The following RBM25 variants were observed in gnomAD, a reference collection of about 807,000 sequenced individuals.
The protein encoded by RBM25 is RNA-binding protein 25.
In RBM25, 19 loss-of-function variants were observed where a neutral mutation model predicts 120.7. That is an observed-to-expected ratio of 0.16 (90% CI 0.11 to 0.23). RBM25 has a LOEUF of 0.23. RBM25 is among the 10% of genes least tolerant of loss of function. The pLI is 1.00. For synonymous variants in RBM25, 390 were observed against 326.7 expected (o/e 1.19, Z -2.09); for missense variants, 605 against 1,041.5 (o/e 0.58, Z 5.77).
intron 1 of RBM25, chr14:73,068,096 C>T (rs1895185105): frequency 1.5e-6 from 1 of 657,012 alleles, no homozygotes; most frequent in Non-Finnish European, 2.7e-6. Context: ...CTACGACCAC[C>T]CCAACTTTAC....
At chr14:73,111,292 C>T (rs1451937513) in intron 15 of RBM25, 137 bp downstream of exon 15, 2 of 882,922 alleles carry the variant, frequency 2.3e-6, no homozygotes, top group African/African-American at 3.4e-5. Context: ...CTTTCTAGCT[C>T]ACGATTGTTT....
rs771277464 is a variant in RBM25, at chr14:73,119,852, C to T, written c.*47C>T. 3.9e-6 allele frequency: 6 copies of T among 1,556,116 alleles called. No individual in the cohort carries two copies. The East Asian group carries it at 6.9e-5, about 18-fold the overall frequency. On this transcript the variant is annotated 3_prime_UTR_variant, in exon 19 of 19. Coordinates refer to ENST00000261973, the MANE Select transcript of RBM25 (RefSeq NM_021239.3). ...CATTTCAGATTTCTTCTTTGCCACC[C>T]TTTTAAGGACTTTGAATTTTTCTTT...
chr14:73,097,450 C>T (rs576301774), intron 7 of RBM25, among the ~76,000 whole-genome samples: 83 of 152,228 alleles, frequency 5.5e-4, no homozygotes, highest in South Asian at 1.9e-3. Flanking sequence ...CGACCCGCCT[C>T]GGCCTCCCAC....
At chr14:73,102,727 A>T (rs568920101) in intron 9 of RBM25, 1 of 154,570 alleles carries the variant, frequency 6.5e-6, no homozygotes. Context: ...TAGTTGCATT[A>T]TAGGTATTCT....
chr14:73,103,938 TCTCTCTCTCTCACACACACACACACA>T (rs1566597400), intron 10 of RBM25, among the ~76,000 whole-genome samples: 3 of 53,836 alleles, frequency 5.6e-5, no homozygotes, highest in Non-Finnish European at 7.1e-5. Flanking sequence ...TCTCTCTCTC[TCTCTCTCTCTCACACACACACACACA>T]CACACACACA....
In RBM25 at chr14:73,120,925, A is replaced by G. The variant is rs148374711; in HGVS notation, c.*1120A>G. On this transcript the variant is annotated 3_prime_UTR_variant, in exon 19 of 19. Transcript: ENST00000261973. ...TACCAACCACTAACTATTTGTTTTC[A>G]TTTTTGTCTTGTAGAAGGTTTATAT... 6.6e-6 allele frequency: 1 copy of G among 152,242 alleles called. No individual in the cohort carries two copies. The highest frequency in any genetic ancestry group is 1.5e-5 in the Non-Finnish European group (1 of 67,998). The allele number at this position is 152,242 out of a possible 1,614,324, so 9.4% of individuals were successfully genotyped here.
rs1362919551 is a variant in RBM25, at chr14:73,123,131, ATG to A, written c.*3328_*3329del. ...TTATTATGGCATTTCCCTGTAAACT[ATG>A]TAAGTGTAAGCTAATGATTATTTTG... is the stretch of plus-strand genomic sequence containing the variant. On this transcript the variant is annotated 3_prime_UTR_variant, in exon 19 of 19. Transcript: ENST00000261973. 1 of 151,936 alleles carries A rather than the reference ATG, an allele frequency of 6.6e-6. No individual in the cohort carries two copies. Among genetic ancestry groups the A allele is most frequent in the Non-Finnish European group, 1.5e-5 (1 of 68,002 alleles). 9.4% of individuals were successfully genotyped at this position (151,936 alleles called of 1,614,324 possible). A position where few individuals can be genotyped will look rare whatever the true frequency, so the allele number is the denominator to read the frequency against.
intron 17 of RBM25, 68 bp from the exon 18 acceptor site, chr14:73,114,218 T>G: frequency 8.4e-7 from 1 of 1,184,490 alleles, no homozygotes; most frequent in Admixed American, 2.4e-5. Flanking sequence ...ATTCATACCT[T>G]AAAATTTCTT....
Position 73,088,253 on chromosome 14 carries a change from A to G in RBM25, c.543+92A>G, listed in dbSNP as rs1289899065. 14 of 1,478,762 alleles carry G rather than the reference A, an allele frequency of 9.5e-6. No homozygotes were observed. The South Asian group carries it at 1.3e-4, about 13-fold the overall frequency. The allele number at this position is 1,478,762 out of a possible 1,614,324, so 91.6% of individuals were successfully genotyped here. A position where few individuals can be genotyped will look rare whatever the true frequency, so the allele number is the denominator to read the frequency against. ...ATAAATGAATCTAATATGGGGCTTC[A>G]AAAGATCATCATGTATGTGCTTGTG... On this transcript the variant is annotated intron_variant, in intron 6 of 18. Transcript: ENST00000261973.
intron 15 of RBM25, 128 bp downstream of exon 15, chr14:73,111,283 T>C: frequency 3.3e-6 from 3 of 918,664 alleles, no homozygotes; most frequent in Admixed American, 3.0e-5. Flanking sequence ...AAAAAATGCC[T>C]TTCTAGCTCA....
At chr14:73,105,064 CAG>C (rs1491508563) in intron 10 of RBM25, among the ~76,000 whole-genome samples, 5 of 149,248 alleles carry the variant, frequency 3.4e-5, no homozygotes, top group African/African-American at 1.2e-4. Flanking sequence ...CACACACACA[CAG>C]AGTTATTTGA....
chr14:73,114,013 C>T (rs1202691833), intron 17 of RBM25, among the ~76,000 whole-genome samples: 1 of 151,828 alleles, frequency 6.6e-6, no homozygotes, highest in Non-Finnish European at 1.5e-5. Flanking sequence ...AGTAAATTTA[C>T]TCTGTCTTCT....
At chr14:73,103,519 G>A (rs752847356) in intron 10 of RBM25, 41 bp downstream of exon 10, 2 of 1,530,710 alleles carry the variant, frequency 1.3e-6, no homozygotes, top group Non-Finnish European at 1.8e-6. Context: ...ATAGCTTTAA[G>A]AAAACTATCG....
At chr14:73,095,555 T>G (rs979931700) in intron 6 of RBM25, among the ~76,000 whole-genome samples, 1 of 150,396 alleles carries the variant, frequency 6.6e-6, no homozygotes, top group African/African-American at 2.5e-5. Context: ...TGCAGTGAGC[T>G]GAGATCACGC....
intron 18 of RBM25, among the ~76,000 whole-genome samples, chr14:73,115,202 A>G (rs538667386): frequency 5.5e-4 from 82 of 149,888 alleles, no homozygotes; most frequent in African/African-American, 1.6e-3. Context: ...TAAGTCGGAT[A>G]CATGTGCAGG....
At chr14:73,067,843 C>T (rs1468888809) in intron 1 of RBM25, among the ~76,000 whole-genome samples, 1 of 151,916 alleles carries the variant, frequency 6.6e-6, no homozygotes, top group Non-Finnish European at 1.5e-5. Context: ...TCGTGATCCA[C>T]CCGCTTCGGC....
intron 1 of RBM25, chr14:73,070,006 A>G (rs1394814909): frequency 6.6e-6 from 1 of 151,980 alleles, no homozygotes; most frequent in Non-Finnish European, 1.5e-5. Context: ...AAATGGCAAT[A>G]CTTAATAAAA....
rs34862161 is a variant in RBM25, at chr14:73,105,126, C to CTTTTTT, written c.1155-720_1155-715dup. Among the ~76,000 whole-genome samples, 152 of 109,520 alleles carry CTTTTTT rather than the reference C, an allele frequency of 1.4e-3. 14 individuals are homozygous for CTTTTTT. Among genetic ancestry groups the CTTTTTT allele is most frequent in the African/African-American group, 5.4e-3 (143 of 26,670 alleles). 71.8% of individuals were successfully genotyped at this position (109,520 alleles called of 152,430 possible). ...TGTAATCTGCAGTTTGGTTTTATTA[C>CTTTTTT]TTTTTTTTTTTTTTTTTTGGAGACG... On this transcript the variant is annotated intron_variant, in intron 10 of 18. Coordinates refer to ENST00000261973, the MANE Select transcript of RBM25 (RefSeq NM_021239.3).
chr14:73,087,855 A>G (rs564974058), intron 5 of RBM25, 146 bp from the exon 6 acceptor site: 1 of 726,548 alleles, frequency 1.4e-6, no homozygotes, highest in Admixed American at 3.4e-5. Context: ...AATGGTTATC[A>G]AAGGGAATTG....
Sources: gnomAD v4.1 joint callset for allele counts (sites outside exome capture counted in the v4.1 genomes callset) on GRCh38, gnomAD v4.1.1 for gene constraint, MANE v1.5 for transcripts, NCBI Gene and HGNC (gene_info 2026-07-23, HGNC 2026-07-21) for gene names.